TCF4: variants seen among roughly 807,000 people sequenced by gnomAD.
TCF4 encodes SL3-3 enhancer factor 2.
In TCF4, 3 loss-of-function variants were observed where a neutral mutation model predicts 82.1. The observed-to-expected ratio is 0.04, with a 90% CI of 0.02 to 0.09. TCF4 has a LOEUF of 0.09. TCF4 is among the 10% of genes least tolerant of loss of function. The pLI, the probability that TCF4 is intolerant of heterozygous loss-of-function variation, is 1.00. For missense variants in TCF4, 518 were observed against 852.7 expected (o/e 0.61, Z 4.89); for synonymous variants, 276 against 309.6 (o/e 0.89, Z 1.14).
intron 8 of TCF4, among the ~76,000 whole-genome samples, chr18:55,335,950 G>C (rs1252406237): frequency 6.6e-6 from 1 of 151,328 alleles, no homozygotes; most frequent in African/African-American, 2.4e-5. Flanking sequence ...ATTAATGCAG[G>C]GTAATACAGT....
intron 3 of TCF4, among the ~76,000 whole-genome samples, chr18:55,555,940 T>G (rs1026301453): frequency 2.0e-4 from 30 of 152,304 alleles, no homozygotes; most frequent in Non-Finnish European, 4.4e-5. Context: ...AGAGACTGGG[T>G]CTTGTGACAA....
chr18:55,454,916 G>C (rs2144543386), intron 5 of TCF4, among the ~76,000 whole-genome samples: 1 of 152,250 alleles, frequency 6.6e-6, no homozygotes, highest in South Asian at 2.1e-4. Flanking sequence ...GCTGGGCGTG[G>C]TGGCTCACGC....
At chr18:55,401,473 C>T (rs923104577) in intron 6 of TCF4, 3 of 993,438 alleles carry the variant, frequency 3.0e-6, no homozygotes, top group Non-Finnish European at 3.6e-6. Context: ...AAAGAATTTT[C>T]CTGGACATTA....
At chr18:55,240,202 AT>A (rs769491309) in intron 15 of TCF4, among the ~76,000 whole-genome samples, 1 of 152,208 alleles carries the variant, frequency 6.6e-6, no homozygotes, top group Non-Finnish European at 1.5e-5. Flanking sequence ...TTGGACATAG[AT>A]TTTTTTGGTT....
chr18:55,464,033 T>G, intron 4 of TCF4, 43 bp downstream of exon 4: 1 of 1,562,458 alleles, frequency 6.4e-7, no homozygotes, highest in East Asian at 2.2e-5. Context: ...AATTTACATA[T>G]GTGGGATGTC....
intron 3 of TCF4, among the ~76,000 whole-genome samples, chr18:55,494,029 T>C (rs1430309522): frequency 1.3e-5 from 2 of 152,116 alleles, no homozygotes; most frequent in Admixed American, 1.3e-4. Context: ...GTTTTCCTCA[T>C]TTTTATATTA....
In TCF4 at chr18:55,302,156, G is replaced by A. The variant is rs142107198; in HGVS notation, c.550-22500C>T. On this transcript the variant is annotated intron_variant, in intron 8 of 19. Transcript: ENST00000354452. ...CCTGAACAAGGTGGCACTTGCCAAGGACCCTCGGCCACGAGGCAATCCAGG... is the reference window on the plus strand; with the variant it reads ...CCTGAACAAGGTGGCACTTGCCAAGAACCCTCGGCCACGAGGCAATCCAGG... 1.5e-3 allele frequency among the ~76,000 whole-genome samples: 230 copies of A among 152,332 alleles called. No individual in the cohort carries two copies. The Middle Eastern group carries it at 0.024, about 16-fold the overall frequency.
upstream of TCF4, among the ~76,000 whole-genome samples, chr18:55,590,393 A>G (rs963148904): frequency 6.6e-6 from 1 of 152,204 alleles, no homozygotes. Flanking sequence ...TGAACTTTCC[A>G]AGTCCAAAAA....
chr18:55,258,725 C>G (rs983304935), intron 13 of TCF4, among the ~76,000 whole-genome samples: 3 of 152,120 alleles, frequency 2.0e-5, no homozygotes, highest in Non-Finnish European at 4.4e-5. Context: ...GTTCCACCTG[C>G]TCAGATTCCT....
intron 6 of TCF4, among the ~76,000 whole-genome samples, chr18:55,357,129 A>T (rs2083752227): frequency 6.6e-6 from 1 of 152,170 alleles, no homozygotes; most frequent in Admixed American, 6.6e-5. Flanking sequence ...TCATATTTTT[A>T]AAAAAGAATA....
chr18:55,414,261 C>T (rs1445303840), intron 5 of TCF4, among the ~76,000 whole-genome samples: 1 of 151,784 alleles, frequency 6.6e-6, no homozygotes, highest in Non-Finnish European at 1.5e-5. Flanking sequence ...TATCATTTAT[C>T]CAAAACAAAT....
intron 3 of TCF4, among the ~76,000 whole-genome samples, chr18:55,478,372 A>G (rs2096345642): frequency 6.6e-6 from 1 of 152,222 alleles, no homozygotes; most frequent in Non-Finnish European, 1.5e-5. Context: ...TACATGGATC[A>G]TTGCTTCAAC....
chr18:55,347,116 T>G (rs1259974011), intron 8 of TCF4, among the ~76,000 whole-genome samples: 1 of 152,168 alleles, frequency 6.6e-6, no homozygotes, highest in Non-Finnish European at 1.5e-5. Context: ...CAAGATGTTC[T>G]CATGTAGATT....
intron 6 of TCF4, among the ~76,000 whole-genome samples, chr18:55,372,596 C>A (rs1422055035): frequency 2.6e-5 from 4 of 151,988 alleles, no homozygotes; most frequent in African/African-American, 9.7e-5. Context: ...AAAATTTATA[C>A]CCCCACACTT....
chr18:55,399,070 T>C lies in TCF4; in HGVS notation c.369+4384A>G, dbSNP rs1471252330. On this transcript the variant is annotated intron_variant, in intron 6 of 19. Transcript: ENST00000354452. ...TTGGCCTCAATTGCCAATTTCGTAA[T>C]AAACAAAATAATTTTGTACGGTTTT... 7.2e-5 allele frequency among the ~76,000 whole-genome samples: 11 copies of C among 152,320 alleles called. No homozygotes were observed. The East Asian group carries it at 2.1e-3, about 29-fold the overall frequency.
chr18:55,560,667 A>G (rs1342165571), intron 3 of TCF4, among the ~76,000 whole-genome samples: 1 of 152,214 alleles, frequency 6.6e-6, no homozygotes, highest in Non-Finnish European at 1.5e-5. Flanking sequence ...TATAAATAAC[A>G]GTATGGCACA....
At chr18:55,265,236 CTG>C (rs1423892247) in intron 11 of TCF4, 1 of 152,164 alleles carries the variant, frequency 6.6e-6, no homozygotes, top group Non-Finnish European at 1.5e-5. Flanking sequence ...ACAATTCACA[CTG>C]TGTTTGCCTG....
chr18:55,335,513 A>C (rs2078443449), intron 8 of TCF4, among the ~76,000 whole-genome samples: 1 of 152,172 alleles, frequency 6.6e-6, no homozygotes, highest in Non-Finnish European at 1.5e-5. Context: ...TAGGCATATA[A>C]ATGCAGGCAT....
chr18:55,318,868 A>C (rs1459766962), intron 8 of TCF4, among the ~76,000 whole-genome samples: 1 of 152,130 alleles, frequency 6.6e-6, no homozygotes, highest in Non-Finnish European at 1.5e-5. Context: ...AGAAACCATA[A>C]TTCTTGTAAT....
Sources: gnomAD v4.1 joint callset for allele counts (sites outside exome capture counted in the v4.1 genomes callset) on GRCh38, gnomAD v4.1.1 for gene constraint, MANE v1.5 for transcripts, NCBI Gene and HGNC (gene_info 2026-07-23, HGNC 2026-07-21) for gene names.